Variants in ADIPOR2 observed in about 807,000 individuals in gnomAD.
The protein encoded by ADIPOR2 is adiponectin receptor protein 2.
ADIPOR2 carries 18 observed loss-of-function variants against 40.9 expected under a neutral mutation model. That is an observed-to-expected ratio of 0.44 (90% CI 0.30 to 0.65). The LOEUF (loss-of-function observed/expected upper bound fraction) is 0.65. Among genes scored for constraint, ADIPOR2 ranks in the 30% least tolerant of loss-of-function variants. ADIPOR2 has a pLI of 0.09. For synonymous variants in ADIPOR2, 165 were observed against 166.4 expected (o/e 0.99, Z 0.06); for missense variants, 283 against 479.2 (o/e 0.59, Z 3.82).
chr12:1,698,536 T>C (rs1475195003), intron 1 of ADIPOR2, among the ~76,000 whole-genome samples: 1 of 152,196 alleles, frequency 6.6e-6, no homozygotes, highest in African/African-American at 2.4e-5. Flanking sequence ...TGTGTGTGTT[T>C]TTAAAATTAA....
intron 6 of ADIPOR2, 44 bp downstream of exon 6, chr12:1,781,120 C>A: frequency 6.7e-7 from 1 of 1,482,654 alleles, no homozygotes; most frequent in Non-Finnish European, 9.0e-7. Context: ...CATTTATTCA[C>A]TAGTTAAATT....
At position 1,781,061 on chromosome 12, in the gene ADIPOR2, C is replaced by T. The variant is rs1401392021; in HGVS notation, c.823C>T (p.Arg275Trp). ...QWDMFATPQY[R>W]GVRAGVFLGL... ...GGACATGTTTGCCACCCCTCAGTAT[C>T]GGGGAGTAAGAGCAGGTAAGAGCAC... is the stretch of plus-strand genomic sequence containing the variant. The change falls in exon 6 of 8, where the codon CGG becomes TGG. Residue 275 changes from arginine to tryptophan, a missense_variant. Arg to Trp is a moderately radical substitution (Grantham distance 101). Coordinates refer to ENST00000357103, the MANE Select transcript of ADIPOR2 (RefSeq NM_024551.3). The T allele has an allele frequency of 1.9e-6, 3 of 1,604,754 alleles. No homozygotes were observed. The highest frequency in any genetic ancestry group is 1.1e-5 in the South Asian group (1 of 89,320).
intron 1 of ADIPOR2, among the ~76,000 whole-genome samples, chr12:1,740,695 G>A (rs965175808): frequency 7.2e-5 from 11 of 152,198 alleles, no homozygotes; most frequent in African/African-American, 2.7e-4. Context: ...GGTGTGTACT[G>A]TGTGACAGAT....
intron 2 of ADIPOR2, among the ~76,000 whole-genome samples, chr12:1,769,060 G>T (rs1234312645): frequency 6.6e-6 from 1 of 152,180 alleles, no homozygotes; most frequent in Non-Finnish European, 1.5e-5. Flanking sequence ...TGTGATCATT[G>T]AATATAGATA....
At chr12:1,723,864 G>A (rs2094702674) in intron 1 of ADIPOR2, among the ~76,000 whole-genome samples, 3 of 152,136 alleles carry the variant, frequency 2.0e-5, no homozygotes, top group African/African-American at 7.2e-5. Context: ...GGGTCTTGAA[G>A]GGGTATTTCT....
At chr12:1,750,361 C>G (rs1592610179) in intron 1 of ADIPOR2, among the ~76,000 whole-genome samples, 1 of 150,004 alleles carries the variant, frequency 6.7e-6, no homozygotes, top group East Asian at 2.0e-4. Flanking sequence ...GAGTTCAAGA[C>G]CAGCCTGGGC....
intron 1 of ADIPOR2, among the ~76,000 whole-genome samples, chr12:1,735,448 A>G (rs546684427): frequency 2.0e-5 from 3 of 152,326 alleles, no homozygotes; most frequent in Admixed American, 1.3e-4. Context: ...TTGATTTTGT[A>G]TCCTGAGACT....
At position 1,722,529 on chromosome 12, in the gene ADIPOR2, G is replaced by A. The variant is rs1346168404; in HGVS notation, c.-87+31338G>A. On this transcript the variant is annotated intron_variant, in intron 1 of 7. Coordinates refer to ENST00000357103, the MANE Select transcript of ADIPOR2 (RefSeq NM_024551.3). ...TGACCTTGACAAGTGTGGTCTTAGT[G>A]GGAATGGAAACTAGATTGTAGAGAA... is the stretch of plus-strand genomic sequence containing the variant. Among the ~76,000 whole-genome samples the A allele has an allele frequency of 2.0e-5, 3 of 152,096 alleles. 1 individual carries two copies. The highest frequency in any genetic ancestry group is 7.2e-5 in the African/African-American group (3 of 41,382).
At chr12:1,757,678 G>A in intron 2 of ADIPOR2, 1 of 1,306,534 alleles carries the variant, frequency 7.7e-7, no homozygotes, top group South Asian at 1.2e-5. Flanking sequence ...AGGTGTAATA[G>A]GATGTACAGC....
Position 1,780,544 on chromosome 12 carries a change from T to C in ADIPOR2, c.557T>C (p.Leu186Ser). ...APLQEKVVFG[L>S]FFLGAILCLS... The stretch of plus-strand genomic sequence containing the variant: ...CTGCAAGAGAAGGTGGTCTTTGGAT[T>C]ATTTTTCTTAGGAGCCATTCTCTGC... Residue 186 changes from leucine to serine, a missense_variant, in exon 5 of 8, where the codon TTA becomes TCA. Around this residue, in one of 3 missense-constraint regions of ADIPOR2, gnomAD observed 112 missense variants for 249.5 expected, o/e 0.45. Coordinates refer to ENST00000357103, the MANE Select transcript of ADIPOR2 (RefSeq NM_024551.3). 1 of 1,614,008 alleles carries C rather than the reference T, an allele frequency of 6.2e-7. No individual in the cohort carries two copies. Among genetic ancestry groups the C allele is most frequent in the Non-Finnish European group, 8.5e-7 (1 of 1,179,944 alleles).
At chr12:1,696,346 C>A in intron 1 of ADIPOR2, 1 of 164,264 alleles carries the variant, frequency 6.1e-6, no homozygotes, top group East Asian at 1.4e-4. Context: ...CTTCCCCACC[C>A]ATCTTTATCA....
In ADIPOR2 at chr12:1,754,388, A is replaced by G. The variant is rs143788167; in HGVS notation, c.45A>G (p.Pro15=). 1.9e-6 allele frequency: 3 copies of G among 1,613,138 alleles called. No individual in the cohort carries two copies. The highest frequency in any genetic ancestry group is 1.7e-6 in the Non-Finnish European group (2 of 1,179,522). The change falls in exon 2 of 8, where the codon CCA becomes CCG. Residue 15 remains proline, a synonymous_variant. Coordinates refer to ENST00000357103, the MANE Select transcript of ADIPOR2 (RefSeq NM_024551.3). ...ACCGATTGGGGTGCAGCAGGACTCC[A>G]GAGCCAGATATAAGGCTCAGAAAAG... ...TENRLGCSRT[P]EPDIRLRKGH...
At chr12:1,737,547 G>T (rs1409085830) in intron 1 of ADIPOR2, among the ~76,000 whole-genome samples, 2 of 152,076 alleles carry the variant, frequency 1.3e-5, no homozygotes, top group African/African-American at 2.4e-5. Flanking sequence ...CCAGTGAGTT[G>T]TTTGCTAATC....
chr12:1,779,529 A>G (rs894020637), intron 4 of ADIPOR2, among the ~76,000 whole-genome samples: 2 of 149,888 alleles, frequency 1.3e-5, no homozygotes, highest in Non-Finnish European at 1.5e-5. Flanking sequence ...GGAATGGGGG[A>G]TGACAGCAGA....
At chr12:1,702,665 C>A (rs747513805) in intron 1 of ADIPOR2, among the ~76,000 whole-genome samples, 9 of 151,730 alleles carry the variant, frequency 5.9e-5, no homozygotes, top group Non-Finnish European at 1.0e-4. Context: ...GTTTTAAGTT[C>A]ATTACATACT....
chr12:1,706,285 A>G (rs938348976), intron 1 of ADIPOR2, among the ~76,000 whole-genome samples: 1 of 152,246 alleles, frequency 6.6e-6, no homozygotes, highest in Admixed American at 6.5e-5. Context: ...GAATATTTAT[A>G]AAAGCTCACT....
intron 1 of ADIPOR2, among the ~76,000 whole-genome samples, chr12:1,709,456 A>G (rs1324653437): frequency 6.6e-6 from 1 of 152,186 alleles, no homozygotes; most frequent in African/African-American, 2.4e-5. Flanking sequence ...AAATTCCTTA[A>G]TAAGTAGTCA....
At chr12:1,770,608 T>C (rs997339918) in intron 2 of ADIPOR2, among the ~76,000 whole-genome samples, 26 of 152,212 alleles carry the variant, frequency 1.7e-4, no homozygotes, top group Non-Finnish European at 3.8e-4. Flanking sequence ...TTGTTGAAAG[T>C]CTCCTAGAGC....
chr12:1,714,425 A>G (rs1276041364), intron 1 of ADIPOR2, among the ~76,000 whole-genome samples: 1 of 152,080 alleles, frequency 6.6e-6, no homozygotes, highest in African/African-American at 2.4e-5. Flanking sequence ...ACTGGGTAAT[A>G]AACTTATCTT....
Sources: allele counts gnomAD v4.1 joint callset (sites outside exome capture counted in the v4.1 genomes callset), GRCh38; gene constraint gnomAD v4.1.1; regional missense constraint gnomAD v4.1.1; transcripts MANE v1.5; gene names NCBI Gene and HGNC (gene_info 2026-07-23, HGNC 2026-07-21).